Variants in ANKRD28 observed in about 807,000 individuals in gnomAD.
ANKRD28 encodes serine/threonine-protein phosphatase 6 regulatory ankyrin repeat subunit A.
ANKRD28 carries 44 observed loss-of-function variants against 126.5 expected under a neutral mutation model. The ratio of observed to expected loss-of-function variants is 0.35; its 90% CI spans 0.27 to 0.45. The LOEUF (loss-of-function observed/expected upper bound fraction) is 0.45. Among genes scored for constraint, ANKRD28 ranks in the 20% least tolerant of loss-of-function variants. The probability of loss-of-function intolerance (pLI) is 1.00; values close to 1 mark genes in which losing one functional copy is unlikely to be tolerated. For missense variants in ANKRD28, 1,110 were observed against 1,316.6 expected, an observed-to-expected ratio of 0.84 and a Z score of 2.43; for synonymous variants, 442 against 468.5, an observed-to-expected ratio of 0.94 and a Z score of 0.73.
Position 15,696,219 on chromosome 3 carries a change from T to C in ANKRD28, c.1574A>G (p.Asp525Gly). Residue 525 changes from aspartate (D) to glycine (G), a missense_variant, in exon 15 of 28, where the codon GAT becomes GGT. Asp to Gly is a moderately conservative substitution (Grantham distance 94). Coordinates refer to ENST00000683139, the MANE Select transcript of ANKRD28 (RefSeq NM_001349278.2). Reference sequence around the variant, plus strand: ...CTTATCACGGATCCCTGGATTTGCATCGTTTCTTAATAAGTATTCCAGGCA... The same window carrying C: ...CTTATCACGGATCCCTGGATTTGCACCGTTTCTTAATAAGTATTCCAGGCA... ...GKCLEYLLRN[D>G]ANPGIRDKQG... 5 of 1,587,530 alleles carry C rather than the reference T, an allele frequency of 3.1e-6. No homozygotes were observed. The highest frequency in any genetic ancestry group is 4.3e-6 in the Non-Finnish European group (5 of 1,164,336).
intron 1 of ANKRD28, among the ~76,000 whole-genome samples, chr3:15,818,590 T>C (rs1027809091): frequency 2.0e-5 from 3 of 152,132 alleles, no homozygotes; most frequent in Non-Finnish European, 4.4e-5. Flanking sequence ...ACTGATAAAT[T>C]AGGTAAAATA....
chr3:15,771,183 G>T (rs1256938626), intron 2 of ANKRD28, among the ~76,000 whole-genome samples: 1 of 152,182 alleles, frequency 6.6e-6, no homozygotes, highest in African/African-American at 2.4e-5. Context: ...GCCCAGGCGG[G>T]CGGATCACCT....
intron 6 of ANKRD28, among the ~76,000 whole-genome samples, chr3:15,726,286 G>C (rs1038123876): frequency 6.6e-6 from 1 of 152,184 alleles, no homozygotes; most frequent in African/African-American, 2.4e-5. Context: ...CAGGCTGAAA[G>C]CTAGGCCTCC....
intron 2 of ANKRD28, among the ~76,000 whole-genome samples, chr3:15,783,353 T>G (rs2345736): frequency 0.53 from 80,241 of 151,826 alleles, 22,086 homozygotes; most frequent in Admixed American, 0.61. Context: ...ATATTTAAGA[T>G]TTTAAAAGAC....
rs1188635208 is a variant in ANKRD28, at chr3:15,673,417, A to AT, written c.2965+2480dup. Among the ~76,000 whole-genome samples the AT allele has an allele frequency of 3.3e-5, 5 of 152,236 alleles. No individual in the cohort carries two copies. The East Asian group carries it at 9.6e-4, about 29-fold the overall frequency. On this transcript the variant is annotated intron_variant, in intron 27 of 27. Transcript: ENST00000683139. ...CTGAGCCTCCACTTGCTCAGGCACT[A>AT]TTTAGAACACTAAGAATATATCAGT... is the stretch of plus-strand genomic sequence containing the variant.
chr3:15,710,831 C>T (rs2072169278), intron 12 of ANKRD28, among the ~76,000 whole-genome samples: 1 of 151,634 alleles, frequency 6.6e-6, no homozygotes, highest in Admixed American at 6.6e-5. Context: ...CATTTTTTTC[C>T]TGGGGGAAAA....
At position 15,833,513 on chromosome 3, in the gene ANKRD28, C is replaced by CTA. The variant is rs142975575; in HGVS notation, c.27+25862_27+25863dup. ...ATAAAAATATACTACATATTATGTA[C>CTA]TATATATATATAAAATATATACATT... On this transcript the variant is annotated intron_variant, in intron 1 of 27. Coordinates refer to the ANKRD28 transcript ENST00000399451. The surrounding 1 kb of genome is among the most constrained non-coding windows in gnomAD (Gnocchi z 4.4). Among the ~76,000 whole-genome samples, 6,082 of 147,588 alleles carry CTA rather than the reference C, an allele frequency of 0.041. 392 individuals carry two copies. The highest frequency in any genetic ancestry group is 0.14 in the African/African-American group (5,610 of 40,508).
chr3:15,712,366 T>C (rs1021783610), intron 10 of ANKRD28, 144 bp from the exon 11 acceptor site: 9 of 696,716 alleles, frequency 1.3e-5, no homozygotes, highest in South Asian at 1.9e-5. Flanking sequence ...TGGTTAAAGT[T>C]TGATGGTGGG....
rs1000550228 is a variant in ANKRD28 at position 15,855,206 on chromosome 3, C to G, written c.27+4171G>C. Among the ~76,000 whole-genome samples, 3 of 152,108 alleles carry G rather than the reference C, an allele frequency of 2.0e-5. No homozygotes were observed. In the East Asian group the frequency reaches 5.8e-4, roughly 29 times the overall value. ...CCGTCATTTTTTGTGTGTGTTTTTT[C>G]CCCTCAAACAATGTTCCACTCTTAG... On this transcript the variant is annotated intron_variant, in intron 1 of 27. Transcript: ENST00000399451.
chr3:15,843,957 AG>A lies in ANKRD28; in HGVS notation c.27+15419del, dbSNP rs2061478728. 6.6e-6 allele frequency among the ~76,000 whole-genome samples: 1 copy of A among 152,180 alleles called. No homozygotes were observed. The highest frequency in any genetic ancestry group is 6.6e-5 in the Admixed American group (1 of 15,264). On this transcript the variant is annotated intron_variant, in intron 1 of 27. Transcript: ENST00000399451. The surrounding 1 kb of genome is among the most constrained non-coding windows in gnomAD (Gnocchi z 5.2). ...AAGTTGGGCCAAAAGGGCTAAAGGA[AG>A]GGAGGTTAAGGTGGAAATGCAGGAA...
At chr3:15,698,031 T>C (rs541475076) in intron 14 of ANKRD28, among the ~76,000 whole-genome samples, 6 of 152,328 alleles carry the variant, frequency 3.9e-5, no homozygotes, top group East Asian at 1.9e-4. Context: ...GAGGTGTTTA[T>C]AGTATTCTCT....
At chr3:15,785,257 CAA>C (rs2059721222) in intron 2 of ANKRD28, among the ~76,000 whole-genome samples, 1 of 152,042 alleles carries the variant, frequency 6.6e-6, no homozygotes, top group Non-Finnish European at 1.5e-5. Context: ...TTCTGCTCCG[CAA>C]AAGACATTGC....
At chr3:15,842,931 C>T (rs2061453622) in intron 1 of ANKRD28, among the ~76,000 whole-genome samples, 1 of 152,154 alleles carries the variant, frequency 6.6e-6, no homozygotes, top group African/African-American at 2.4e-5. Flanking sequence ...ATATAGCACA[C>T]CCGGACAGAA....
intron 17 of ANKRD28, among the ~76,000 whole-genome samples, chr3:15,693,909 T>G (rs2069158289): frequency 6.6e-6 from 1 of 152,082 alleles, no homozygotes; most frequent in African/African-American, 2.4e-5. Context: ...TAATAGTACA[T>G]ATGAAAAGAA....
At chr3:15,750,281 A>G (rs1034199810) in intron 4 of ANKRD28, among the ~76,000 whole-genome samples, 1 of 152,254 alleles carries the variant, frequency 6.6e-6, no homozygotes, top group Non-Finnish European at 1.5e-5. Context: ...CAATAACAGT[A>G]ATGTTTATCT....
rs2061175783 is a variant in ANKRD28, at chr3:15,830,979, A to T, written c.27+28398T>A. Reference sequence around the variant, plus strand: ...GGCAATACTCCTTGCGTGTCACCATATATTGTTGCTGGGAAAAGTAAGCAC... The same window carrying T: ...GGCAATACTCCTTGCGTGTCACCATTTATTGTTGCTGGGAAAAGTAAGCAC... On this transcript the variant is annotated intron_variant, in intron 1 of 27. Transcript: ENST00000399451. The surrounding 1 kb of genome is among the most constrained non-coding windows in gnomAD (Gnocchi z 4.5). 6.6e-6 allele frequency among the ~76,000 whole-genome samples: 1 copy of T among 152,096 alleles called. No homozygotes were observed. Among genetic ancestry groups the T allele is most frequent in the Non-Finnish European group, 1.5e-5 (1 of 68,024 alleles).
intron 7 of ANKRD28, among the ~76,000 whole-genome samples, chr3:15,721,398 G>C (rs1431493894): frequency 6.6e-6 from 1 of 152,054 alleles, no homozygotes; most frequent in Non-Finnish European, 1.5e-5. Flanking sequence ...ATACAAAAGA[G>C]GTATTTCAGG....
At chr3:15,724,968 G>A (rs989930987) in intron 6 of ANKRD28, among the ~76,000 whole-genome samples, 1 of 152,098 alleles carries the variant, frequency 6.6e-6, no homozygotes, top group African/African-American at 2.4e-5. Context: ...GCAATGGAGC[G>A]AGGCCTTATC....
chr3:15,766,277 A>G lies in ANKRD28; in HGVS notation c.237T>C (p.Ala79=). 1.2e-6 allele frequency: 2 copies of G among 1,611,874 alleles called. No homozygotes were observed. Among genetic ancestry groups the G allele is most frequent in the South Asian group, 2.2e-5 (2 of 90,664 alleles). ...NEKRTPLHAA[A]YLGDAEIIEL... ...CAATGATTTCTGCATCTCCAAGGTA[A>G]GCTGCGGCGTGCAATGGGGTTCGCT... is the stretch of plus-strand genomic sequence containing the variant. Residue 79 remains alanine, a synonymous_variant, in exon 3 of 28, where the codon GCT becomes GCC. Transcript: ENST00000683139.
Sources: gnomAD v4.1 joint callset for allele counts (sites outside exome capture counted in the v4.1 genomes callset) on GRCh38, gnomAD v4.1.1 for gene constraint, Gnocchi (gnomAD v3.1) non-coding constraint, MANE v1.5 for transcripts, NCBI Gene and HGNC (gene_info 2026-07-23, HGNC 2026-07-21) for gene names.